Variants in PPP1R21 observed in about 807,000 individuals in gnomAD.
The protein encoded by PPP1R21 is KLRAQ motif containing 1.
PPP1R21 carries 85 observed loss-of-function variants against 112.8 expected under a neutral mutation model. The ratio of observed to expected loss-of-function variants is 0.75; its 90% CI spans 0.63 to 0.90. The LOEUF (loss-of-function observed/expected upper bound fraction) is 0.90. PPP1R21 is among the 40% of genes least tolerant of loss of function. The pLI, the probability that PPP1R21 is intolerant of heterozygous loss-of-function variation, is 0.00. For missense variants in PPP1R21, 1,199 were observed against 901.5 expected (o/e 1.33, Z -4.23); for synonymous variants, 381 against 322.3 (o/e 1.18, Z -1.95).
intron 9 of PPP1R21, among the ~76,000 whole-genome samples, chr2:48,469,098 G>C (rs2103836573): frequency 6.6e-6 from 1 of 151,630 alleles, no homozygotes; most frequent in South Asian, 2.1e-4. Flanking sequence ...GTCAGATCTT[G>C]TGAGACTTAT....
At chr2:48,483,280 C>G (rs1407252974) in intron 13 of PPP1R21, among the ~76,000 whole-genome samples, 2 of 123,226 alleles carry the variant, frequency 1.6e-5, no homozygotes, top group Non-Finnish European at 3.2e-5. Context: ...CTCCCAGGTT[C>G]AAGCGATTCT....
intron 4 of PPP1R21, among the ~76,000 whole-genome samples, chr2:48,459,123 A>G (rs998828543): frequency 6.6e-6 from 1 of 150,524 alleles, no homozygotes; most frequent in Non-Finnish European, 1.5e-5. Context: ...GATTCATAGT[A>G]TAGTGTATCC....
intron 18 of PPP1R21, among the ~76,000 whole-genome samples, chr2:48,506,477 C>G (rs922217872): frequency 1.3e-5 from 2 of 152,122 alleles, no homozygotes; most frequent in Admixed American, 1.3e-4. Context: ...TAATATAGTT[C>G]AAGTAAGCTG....
At chr2:48,477,790 A>T (rs1188101535) in intron 12 of PPP1R21, among the ~76,000 whole-genome samples, 1 of 151,966 alleles carries the variant, frequency 6.6e-6, no homozygotes, top group Non-Finnish European at 1.5e-5. Flanking sequence ...TAGGGATTGC[A>T]TTGAACTTGT....
At chr2:48,446,943 G>T (rs920673710) in intron 1 of PPP1R21, among the ~76,000 whole-genome samples, 1 of 152,042 alleles carries the variant, frequency 6.6e-6, no homozygotes. Context: ...TAGAGATGGG[G>T]TTTTGCCATG....
At chr2:48,458,305 A>G (rs1436645791) in intron 4 of PPP1R21, 78 bp downstream of exon 4, 2 of 897,072 alleles carry the variant, frequency 2.2e-6, no homozygotes, top group East Asian at 5.2e-5. Flanking sequence ...ATGCACATAG[A>G]GTGTTTTGTG....
chr2:48,493,685 T>A (rs954485160), intron 15 of PPP1R21, among the ~76,000 whole-genome samples: 3 of 152,090 alleles, frequency 2.0e-5, no homozygotes, highest in African/African-American at 7.2e-5. Context: ...TAAATAATTA[T>A]TTTTTTTCAA....
chr2:48,490,880 G>A (rs929902736), intron 14 of PPP1R21, 138 bp from the exon 15 acceptor site: 2 of 678,648 alleles, frequency 2.9e-6, no homozygotes, highest in Non-Finnish European at 4.9e-6. Context: ...AATAAATGTG[G>A]ACTTTGGGGC....
chr2:48,448,351 A>G (rs1462500414), intron 1 of PPP1R21, among the ~76,000 whole-genome samples: 1 of 152,250 alleles, frequency 6.6e-6, no homozygotes, highest in Non-Finnish European at 1.5e-5. Flanking sequence ...TTTGCTTTTT[A>G]ACAAAGCAGT....
chr2:48,511,698 C>CAA (rs758709933), intron 21 of PPP1R21, among the ~76,000 whole-genome samples: 8 of 81,882 alleles, frequency 9.8e-5, no homozygotes, highest in East Asian at 3.2e-4. Flanking sequence ...TTCATCTCTA[C>CAA]AAAAAAAAAA....
intron 16 of PPP1R21, among the ~76,000 whole-genome samples, chr2:48,497,886 C>T (rs1011665855): frequency 4.6e-5 from 7 of 152,002 alleles, no homozygotes; most frequent in East Asian, 3.9e-4. Flanking sequence ...CTCCTGACCT[C>T]GTGATCAGCC....
Position 48,466,876 on chromosome 2 carries a change from G to GA in PPP1R21, c.897+1240dup, listed in dbSNP as rs529036004. Among the ~76,000 whole-genome samples, 29 of 152,220 alleles carry GA rather than the reference G, an allele frequency of 1.9e-4. No homozygotes were observed. The South Asian group carries it at 6.0e-3, about 32-fold the overall frequency. On this transcript the variant is annotated intron_variant, in intron 9 of 21. Transcript: ENST00000294952. ...AGGTATGGAAAGGAAGGTTGAAAGA[G>GA]AAAAAATGGCTCCAGGTTCTAAAAG...
intron 14 of PPP1R21, among the ~76,000 whole-genome samples, chr2:48,487,022 T>C (rs1261048426): frequency 6.6e-6 from 1 of 152,210 alleles, no homozygotes; most frequent in Non-Finnish European, 1.5e-5. Flanking sequence ...TATGGGCACA[T>C]GCACTGCATG....
chr2:48,509,347 T>C (rs1474554498), intron 19 of PPP1R21, among the ~76,000 whole-genome samples: 3 of 151,710 alleles, frequency 2.0e-5, no homozygotes, highest in Admixed American at 6.6e-5. Context: ...CTGATAACTT[T>C]TGTAATAATC....
chr2:48,494,938 C>A (rs1669755588), intron 15 of PPP1R21, among the ~76,000 whole-genome samples: 1 of 152,090 alleles, frequency 6.6e-6, no homozygotes, highest in Non-Finnish European at 1.5e-5. Context: ...AACTCCTGAC[C>A]TCAAGCAATC....
At chr2:48,441,402 C>G (rs1449748612) in intron 1 of PPP1R21, 2 of 302,752 alleles carry the variant, frequency 6.6e-6, no homozygotes, top group Non-Finnish European at 1.3e-5. Flanking sequence ...GAAGATCAAC[C>G]CTTCTCCCCT....
intron 13 of PPP1R21, among the ~76,000 whole-genome samples, chr2:48,484,709 T>A (rs1669197218): frequency 6.6e-6 from 1 of 151,982 alleles, no homozygotes; most frequent in South Asian, 2.1e-4. Context: ...AGACACGGGG[T>A]TTTGCCATGT....
At chr2:48,444,741 A>G (rs1408650889) in intron 1 of PPP1R21, among the ~76,000 whole-genome samples, 1 of 152,200 alleles carries the variant, frequency 6.6e-6, no homozygotes, top group Non-Finnish European at 1.5e-5. Context: ...AGACCCAGCA[A>G]TCTGTGTTGT....
intron 17 of PPP1R21, among the ~76,000 whole-genome samples, chr2:48,500,782 G>A (rs1384642827): frequency 6.6e-5 from 10 of 152,046 alleles, no homozygotes; most frequent in Non-Finnish European, 1.0e-4. Context: ...GGCGGCCTGC[G>A]CCTGTAGTCT....
Sources: gnomAD v4.1 joint callset for allele counts (sites outside exome capture counted in the v4.1 genomes callset) on GRCh38, gnomAD v4.1.1 for gene constraint, MANE v1.5 for transcripts, NCBI Gene and HGNC (gene_info 2026-07-23, HGNC 2026-07-21) for gene names.